Variants in INHBA observed in about 807,000 individuals in gnomAD.
The protein encoded by INHBA is inhibin beta A chain.
A neutral mutation model predicts 29.0 loss-of-function variants in INHBA; 1 was observed. The ratio of observed to expected loss-of-function variants is 0.03; its 90% CI spans 0.01 to 0.16. INHBA has a LOEUF of 0.16. Among genes scored for constraint, INHBA ranks in the 10% least tolerant of loss-of-function variants. The pLI, the probability that INHBA is intolerant of heterozygous loss-of-function variation, is 1.00. For synonymous variants in INHBA, 242 were observed against 216.8 expected (o/e 1.12, Z -1.02); for missense variants, 376 against 545.4 (o/e 0.69, Z 3.09).
chr7:41,685,492 A>G lies in INHBA; in HGVS notation c.*4158T>C, dbSNP rs1187811674. The G allele has an allele frequency of 1.3e-5, 2 of 152,140 alleles. No individual in the cohort carries two copies. The highest frequency in any genetic ancestry group is 4.8e-5 in the African/African-American group (2 of 41,450). The allele number at this position is 152,140 out of a possible 1,614,324, so 9.4% of individuals were successfully genotyped here. On this transcript the variant is annotated 3_prime_UTR_variant, in exon 3 of 3. Transcript: ENST00000242208. ...AAAACAAAAAACAAAGTAAAAAACC[A>G]ACAAAATAGAAACAAACAAACAAAC...
chr7:41,704,804 C>T (rs980644378), upstream of INHBA, among the ~76,000 whole-genome samples: 5 of 152,054 alleles, frequency 3.3e-5, no homozygotes, highest in African/African-American at 4.8e-5. Flanking sequence ...TCAAGTGCAG[C>T]TGTCAGATAA....
rs3030163 is a variant in INHBA at position 41,700,841 on chromosome 7, A to AAGAGAGAGAGAGAGAGAGAGAGAGAG, written c.-143-350_-143-325dup. Among the ~76,000 whole-genome samples, 70 of 79,146 alleles carry AAGAGAGAGAGAGAGAGAGAGAGAGAG rather than the reference A, an allele frequency of 8.8e-4. 2 individuals are homozygous for AAGAGAGAGAGAGAGAGAGAGAGAGAG. The highest frequency in any genetic ancestry group is 1.1e-3 in the Non-Finnish European group (46 of 41,334). 51.9% of individuals were successfully genotyped at this position (79,146 alleles called of 152,430 possible). On this transcript the variant is annotated intron_variant, in intron 1 of 2. Transcript: ENST00000242208. ...AGGGGGAGAGGGAGAGAGGGAAAGGAAGAGAGAGAGAGAGAGAGAGAGAGA... is the reference window on the plus strand; with the variant it reads ...AGGGGGAGAGGGAGAGAGGGAAAGGAAGAGAGAGAGAGAGAGAGAGAGAGAGAGAGAGAGAGAGAGAGAGAGAGAGA...
chr7:41,690,653 A>C (rs1287330948), intron 2 of INHBA, 111 bp from the exon 3 acceptor site: 1 of 1,337,588 alleles, frequency 7.5e-7, no homozygotes, highest in Non-Finnish European at 9.9e-7. Context: ...GACCCTCTTG[A>C]ATAGGGGTCA....
rs1661410422 is a variant in INHBA at position 41,689,190 on chromosome 7, T to A, written c.*460A>T. The A allele has an allele frequency of 4.3e-6, 1 of 234,778 alleles. No homozygotes were observed. Among genetic ancestry groups the A allele is most frequent in the Admixed American group, 5.6e-5 (1 of 17,852 alleles). The allele number at this position is 234,778 out of a possible 1,614,324, so 14.5% of individuals were successfully genotyped here. A position where few individuals can be genotyped will look rare whatever the true frequency, so the allele number is the denominator to read the frequency against. On this transcript the variant is annotated 3_prime_UTR_variant, in exon 3 of 3. Transcript: ENST00000242208. ...ACACAGACATACCTTATGACCTGGGTAATTGGGTAGGAAAGTGCCTGTGAT... is the reference window on the plus strand; with the variant it reads ...ACACAGACATACCTTATGACCTGGGAAATTGGGTAGGAAAGTGCCTGTGAT...
rs572952559 is a variant in INHBA, at chr7:41,702,110, A to G, written c.-144+895T>C. On this transcript the variant is annotated intron_variant, in intron 1 of 2. Transcript: ENST00000242208. ...CACACATAAGCCCTCTTGGTTTCTG[A>G]AGATACACTCAGCTTATATCTGACA... Among the ~76,000 whole-genome samples, 4 of 152,278 alleles carry G rather than the reference A, an allele frequency of 2.6e-5. No homozygotes were observed. In the South Asian group the frequency reaches 8.3e-4, roughly 32 times the overall value.
Position 41,700,480 on chromosome 7 carries a change from TGG to T in INHBA, c.-108_-107del. On this transcript the variant is annotated 5_prime_UTR_variant, in exon 2 of 3. Transcript: ENST00000242208. ...GTGTGGATTTTTTTATTTTTTTTTT[TGG>T]TGTTTTTTTTTTCCTTCTCCTCTTC... 5.2e-6 allele frequency: 6 copies of T among 1,143,694 alleles called. No individual in the cohort carries two copies. Among genetic ancestry groups the T allele is most frequent in the African/African-American group, 1.6e-5 (1 of 63,946 alleles). 70.8% of individuals were successfully genotyped at this position (1,143,694 alleles called of 1,614,324 possible). A position where few individuals can be genotyped will look rare whatever the true frequency, so the allele number is the denominator to read the frequency against.
Position 41,689,899 on chromosome 7 carries a change from G to C in INHBA, c.1032C>G (p.Gly344=). The C allele has an allele frequency of 1.2e-6, 2 of 1,614,022 alleles. No homozygotes were observed. Among genetic ancestry groups the C allele is most frequent in the Middle Eastern group, 3.3e-4 (2 of 6,062 alleles). ...CACCCTCGCAGTAGTTGGCATGATA[G>C]CCAGAGGGAGCAATGATCCAGTCAT... is the stretch of plus-strand genomic sequence containing the variant. ...GWNDWIIAPS[G]YHANYCEGEC... is the part of the protein sequence containing the mutation. The change falls in exon 3 of 3, where the codon GGC becomes GGG. Residue 344 remains glycine, a synonymous_variant. Transcript: ENST00000242208.
At position 41,689,623 on chromosome 7, in the gene INHBA, C is replaced by T. The variant is rs1167101493; in HGVS notation, c.*27G>A. The T allele has an allele frequency of 2.6e-6, 4 of 1,509,456 alleles. No individual in the cohort carries two copies. The highest frequency in any genetic ancestry group is 2.6e-6 in the Non-Finnish European group (3 of 1,132,232). The allele number at this position is 1,509,456 out of a possible 1,614,324, so 93.5% of individuals were successfully genotyped here. On this transcript the variant is annotated 3_prime_UTR_variant, in exon 3 of 3. Coordinates refer to ENST00000242208, the MANE Select transcript of INHBA (RefSeq NM_002192.4). The stretch of plus-strand genomic sequence containing the variant: ...CACTGTCTTCTCTGGACAACTCTTG[C>T]TCCCTTTCCCCCTGGGCTGGGCAAC...
upstream of INHBA, among the ~76,000 whole-genome samples, chr7:41,703,744 A>C (rs1449439075): frequency 1.3e-5 from 2 of 149,344 alleles, no homozygotes; most frequent in African/African-American, 2.5e-5. Context: ...CCAGGTCTTT[A>C]GAATCTCATT....
In INHBA at chr7:41,687,720, C is replaced by T. The variant is rs1794416852; in HGVS notation, c.*1930G>A. The stretch of plus-strand genomic sequence containing the variant: ...TAACACTTTCTCTCAAATTAATTAT[C>T]TTTTAGTTAGTGATGACATTATTTT... On this transcript the variant is annotated 3_prime_UTR_variant, in exon 3 of 3. Transcript: ENST00000242208. 6.6e-6 allele frequency: 1 copy of T among 152,166 alleles called. No individual in the cohort carries two copies. Among genetic ancestry groups the T allele is most frequent in the Admixed American group, 6.5e-5 (1 of 15,272 alleles). The allele number at this position is 152,166 out of a possible 1,614,324, so 9.4% of individuals were successfully genotyped here.
chr7:41,695,684 G>A (rs946924857), intron 2 of INHBA, among the ~76,000 whole-genome samples: 1 of 152,178 alleles, frequency 6.6e-6, no homozygotes. Context: ...GATGAAAAAG[G>A]TTAAATATTT....
At position 41,688,546 on chromosome 7, in the gene INHBA, T is replaced by A. The variant is rs1213819394; in HGVS notation, c.*1104A>T. 1 of 151,298 alleles carries A rather than the reference T, an allele frequency of 6.6e-6. No individual in the cohort carries two copies. Among genetic ancestry groups the A allele is most frequent in the Non-Finnish European group, 1.5e-5 (1 of 67,844 alleles). 9.4% of individuals were successfully genotyped at this position (151,298 alleles called of 1,614,324 possible). On this transcript the variant is annotated 3_prime_UTR_variant, in exon 3 of 3. Coordinates refer to ENST00000242208, the MANE Select transcript of INHBA (RefSeq NM_002192.4). ...TAAGGTACAAAATAATAATAATAAT[T>A]ATAATTATAATAATAAAAATAGCTA...
intron 2 of INHBA, among the ~76,000 whole-genome samples, chr7:41,695,125 A>G (rs769408128): frequency 2.4e-4 from 37 of 152,232 alleles, no homozygotes; most frequent in Non-Finnish European, 3.8e-4. Context: ...GAACATTTTC[A>G]GTTAAATAAG....
rs1794755396 is a variant in INHBA at position 41,700,465 on chromosome 7, T to A, written c.-91A>T. Reference sequence around the variant, plus strand: ...CAGGTTTTTTTGTGTGTGTGGATTTTTTTATTTTTTTTTTTGGTGTTTTTT... The same window carrying A: ...CAGGTTTTTTTGTGTGTGTGGATTTATTTATTTTTTTTTTTGGTGTTTTTT... On this transcript the variant is annotated 5_prime_UTR_variant, in exon 2 of 3. Coordinates refer to ENST00000242208, the MANE Select transcript of INHBA (RefSeq NM_002192.4). 7.2e-6 allele frequency: 9 copies of A among 1,241,682 alleles called. No individual in the cohort carries two copies. The highest frequency in any genetic ancestry group is 8.5e-6 in the Non-Finnish European group (8 of 945,782). The allele number at this position is 1,241,682 out of a possible 1,614,324, so 76.9% of individuals were successfully genotyped here.
At position 41,690,086 on chromosome 7, in the gene INHBA, T is replaced by C; in HGVS notation, c.845A>G (p.Asp282Gly). The C allele has an allele frequency of 5.6e-6, 9 of 1,613,952 alleles. No homozygotes were observed. Among genetic ancestry groups the C allele is most frequent in the Non-Finnish European group, 5.9e-6 (7 of 1,180,008 alleles). The change falls in exon 3 of 3, where the codon GAT becomes GGT. Residue 282 changes from aspartate to glycine, a missense_variant. Asp to Gly is a moderately conservative substitution (Grantham distance 94). This residue lies in a region of INHBA where 253 missense variants were observed against 313.4 expected (regional missense o/e 0.81). Coordinates refer to ENST00000242208, the MANE Select transcript of INHBA (RefSeq NM_002192.4). ...TCTGTGCGACTGCTCCTTTTCCTCA[T>C]CTGCTCCTGCCCCACCTTCACCTCC... is the stretch of plus-strand genomic sequence containing the variant. ...KGGGEGGAGA[D>G]EEKEQSHRPF... is the part of the protein sequence containing the mutation.
Position 41,700,230 on chromosome 7 carries a change from T to C in INHBA, c.145A>G (p.Asn49Asp). 1 of 1,613,792 alleles carries C rather than the reference T, an allele frequency of 6.2e-7. No individual in the cohort carries two copies. The highest frequency in any genetic ancestry group is 8.5e-7 in the Non-Finnish European group (1 of 1,179,800). Reference protein sequence around the residue: ...ALAALPKDVPNSQPEMVEAVK... With the variant: ...ALAALPKDVPDSQPEMVEAVK... ...GCCTCCACCATCTCTGGCTGAGAGTTGGGTACATCCTTTGGGAGGGCGGCC... is the reference window on the plus strand; with the variant it reads ...GCCTCCACCATCTCTGGCTGAGAGTCGGGTACATCCTTTGGGAGGGCGGCC... Residue 49 changes from asparagine to aspartate, a missense_variant, in exon 2 of 3, where the codon AAC (asparagine) becomes GAC (aspartate). Physicochemically the swap from Asn to Asp is conservative, Grantham distance 23. This residue lies in a region of INHBA where 71 missense variants were observed against 77.0 expected (regional missense o/e 0.92). Coordinates refer to ENST00000242208, the MANE Select transcript of INHBA (RefSeq NM_002192.4).
chr7:41,689,645 C>G lies in INHBA; in HGVS notation c.*5G>C. On this transcript the variant is annotated 3_prime_UTR_variant, in exon 3 of 3. Coordinates refer to ENST00000242208, the MANE Select transcript of INHBA (RefSeq NM_002192.4). ...TTGCTCCCTTTCCCCCTGGGCTGGG[C>G]AACTCTATGAGCACCCACACTCCTC... is the stretch of plus-strand genomic sequence containing the variant. The G allele has an allele frequency of 6.4e-7, 1 of 1,550,942 alleles. No individual in the cohort carries two copies. Among genetic ancestry groups the G allele is most frequent in the East Asian group, 2.3e-5 (1 of 44,190 alleles).
rs1181328639 is a variant in INHBA, at chr7:41,685,259, C to G, written c.*4391G>C. 6.6e-6 allele frequency: 1 copy of G among 152,088 alleles called. No individual in the cohort carries two copies. The highest frequency in any genetic ancestry group is 1.5e-5 in the Non-Finnish European group (1 of 67,972). The allele number at this position is 152,088 out of a possible 1,614,324, so 9.4% of individuals were successfully genotyped here. On this transcript the variant is annotated 3_prime_UTR_variant, in exon 3 of 3. Transcript: ENST00000242208. ...GCTGGAATGCCATAGAAATAAATAACTTCTGCTATAAACACATGAAAACAT... is the reference window on the plus strand; with the variant it reads ...GCTGGAATGCCATAGAAATAAATAAGTTCTGCTATAAACACATGAAAACAT...
chr7:41,695,177 C>T (rs1255423197), intron 2 of INHBA, among the ~76,000 whole-genome samples: 1 of 152,182 alleles, frequency 6.6e-6, no homozygotes, highest in Non-Finnish European at 1.5e-5. Context: ...TTGTTTTCCT[C>T]ACCAGGGTCC....
Sources: gnomAD v4.1 joint callset for allele counts (sites outside exome capture counted in the v4.1 genomes callset) on GRCh38, gnomAD v4.1.1 for gene constraint, gnomAD v4.1.1 regional missense constraint, MANE v1.5 for transcripts, NCBI Gene and HGNC (gene_info 2026-07-23, HGNC 2026-07-21) for gene names.